The following WWOX variants were observed in gnomAD, a reference collection of about 807,000 sequenced individuals.
WWOX encodes WW domain containing oxidoreductase.
Under a neutral mutation model 46.2 loss-of-function variants are expected in WWOX, and 69 were observed. That is an observed-to-expected ratio of 1.49 (90% confidence interval 1.23 to 1.82). WWOX has a LOEUF of 1.82. WWOX is among the 40% of genes most tolerant of loss of function. The probability of loss-of-function intolerance (pLI) is 0.00; values close to 1 mark genes in which losing one functional copy is unlikely to be tolerated. For synonymous variants in WWOX, 359 were observed against 202.6 expected, an observed-to-expected ratio of 1.77 and a Z score of -6.56; for missense variants, 919 against 542.6, an observed-to-expected ratio of 1.69 and a Z score of -6.89.
At chr16:78,998,130 G>T (rs2047025632) in intron 8 of WWOX, among the ~76,000 whole-genome samples, 1 of 152,110 alleles carries the variant, frequency 6.6e-6, no homozygotes, top group South Asian at 2.1e-4. Context: ...GCCCGCCTCG[G>T]CCTCCCAAAG....
rs911867346 is a variant in WWOX, at chr16:78,644,618, C to G, written c.1056+211866C>G. Among the ~76,000 whole-genome samples, 11 of 152,188 alleles carry G rather than the reference C, an allele frequency of 7.2e-5. No homozygotes were observed. The East Asian group carries it at 2.1e-3, about 30-fold the overall frequency. On this transcript the variant is annotated intron_variant, in intron 8 of 8. Coordinates refer to ENST00000566780, the MANE Select transcript of WWOX (RefSeq NM_016373.4). ...CTGGGATTACAGGAGCCTGCCACCA[C>G]GCCTGGCTAATTTTTTGTACTTTTA...
intron 8 of WWOX, among the ~76,000 whole-genome samples, chr16:79,186,688 A>T (rs1239927318): frequency 6.6e-6 from 1 of 152,054 alleles, no homozygotes; most frequent in Non-Finnish European, 1.5e-5. Flanking sequence ...ACTAGTAATC[A>T]TCTCACTCCT....
At chr16:78,826,043 G>T (rs904966684) in intron 8 of WWOX, 32 of 464,096 alleles carry the variant, frequency 6.9e-5, no homozygotes, top group Middle Eastern at 6.0e-4. Context: ...GAGTCTGGAT[G>T]TTGCTTTGTA....
intron 8 of WWOX, among the ~76,000 whole-genome samples, chr16:78,706,058 G>GTTTTTTTTTTTTTTTTTTTTTTTTTTTTT (rs3051058): frequency 9.4e-6 from 1 of 106,428 alleles, no homozygotes; most frequent in Non-Finnish European, 1.8e-5. Context: ...GTTATGGCAG[G>GTTTTTTTTTTTTTTTTTTTTTTTTTTTTT]TTTTTTTTTT....
At chr16:78,252,836 C>T (rs760122432) in intron 5 of WWOX, among the ~76,000 whole-genome samples, 3 of 152,176 alleles carry the variant, frequency 2.0e-5, no homozygotes, top group Non-Finnish European at 4.4e-5. Flanking sequence ...ATTTCTCCCT[C>T]GGCTTCAGCA....
At chr16:78,099,958 A>G (rs988693722) in intron 1 of WWOX, 73 bp downstream of exon 1, 7 of 1,528,958 alleles carry the variant, frequency 4.6e-6, no homozygotes, top group South Asian at 2.5e-5. Flanking sequence ...CTGCGCGGGG[A>G]GGACGCGCAC....
intron 8 of WWOX, among the ~76,000 whole-genome samples, chr16:78,647,243 G>A (rs1245690020): frequency 6.6e-6 from 1 of 152,078 alleles, no homozygotes; most frequent in Non-Finnish European, 1.5e-5. Flanking sequence ...CAGGACAGAG[G>A]GCAGGGCTGT....
rs377066400 is a variant in WWOX at position 78,099,740 on chromosome 16, A to G, written c.-39A>G. On this transcript the variant is annotated 5_prime_UTR_variant, in exon 1 of 9. Transcript: ENST00000566780. ...GAGTTCCTGAGCGAGTGGACCCGGC[A>G]GCGGGCGATAGGGGGGCCAGGTGCC... 2 of 1,517,056 alleles carry G rather than the reference A, an allele frequency of 1.3e-6. No individual in the cohort carries two copies. The highest frequency in any genetic ancestry group is 2.6e-5 in the East Asian group (1 of 38,976). The allele number at this position is 1,517,056 out of a possible 1,614,324, so 94.0% of individuals were successfully genotyped here.
intron 8 of WWOX, among the ~76,000 whole-genome samples, chr16:79,012,315 C>T (rs1018495888): frequency 6.6e-6 from 1 of 152,096 alleles, no homozygotes; most frequent in African/African-American, 2.4e-5. Flanking sequence ...TCACTGCAAC[C>T]TACACTTCCT....
intron 1 of WWOX, among the ~76,000 whole-genome samples, chr16:78,107,705 C>T (rs74930786): frequency 0.016 from 2,426 of 152,174 alleles, 64 homozygotes; most frequent in African/African-American, 0.053. Context: ...CAAGGTGGCA[C>T]GGGCTTCTAG....
chr16:79,148,633 T>C (rs942307117), intron 8 of WWOX, among the ~76,000 whole-genome samples: 1 of 152,212 alleles, frequency 6.6e-6, no homozygotes, highest in Non-Finnish European at 1.5e-5. Context: ...TTTAAATCTA[T>C]AGGTCTAACA....
At chr16:78,794,578 A>C (rs1286927362) in intron 8 of WWOX, among the ~76,000 whole-genome samples, 1 of 152,220 alleles carries the variant, frequency 6.6e-6, no homozygotes, top group Non-Finnish European at 1.5e-5. Flanking sequence ...AATACCTCTT[A>C]GTGTTGCTGT....
rs71140858 is a variant in WWOX, at chr16:79,047,672, ATTTTTTTTTTTTT to A, written c.1057-163919_1057-163907del. On this transcript the variant is annotated intron_variant, in intron 8 of 8. Coordinates refer to ENST00000566780, the MANE Select transcript of WWOX (RefSeq NM_016373.4). ...GTGACTTTCTCCTGAGACTGTCCTGATTTTTTTTTTTTTTTTTTTTTTTTTTTTTGCTTGTCAG... is the reference window on the plus strand; with the variant it reads ...GTGACTTTCTCCTGAGACTGTCCTGATTTTTTTTTTTTTTTTGCTTGTCAG... 7.5e-5 allele frequency among the ~76,000 whole-genome samples: 4 copies of A among 53,524 alleles called. No homozygotes were observed. The Admixed American group carries it at 8.3e-4, about 11-fold the overall frequency. The allele number at this position is 53,524 out of a possible 152,430, so 35.1% of individuals were successfully genotyped here. A position where few individuals can be genotyped will look rare whatever the true frequency, so the allele number is the denominator to read the frequency against.
At chr16:78,381,805 A>C (rs1225832518) in intron 5 of WWOX, among the ~76,000 whole-genome samples, 1 of 152,160 alleles carries the variant, frequency 6.6e-6, no homozygotes, top group Non-Finnish European at 1.5e-5. Flanking sequence ...ATAGACATAT[A>C]GGTAGGAAGG....
rs1002865493 is a variant in WWOX, at chr16:78,617,051, C to A, written c.1056+184299C>A. ...AGCCTTGCCATGCATCTCTAACATG[C>A]ACATGGCCAGAAAAATAGCTTGGAC... On this transcript the variant is annotated intron_variant, in intron 8 of 8. Coordinates refer to ENST00000566780, the MANE Select transcript of WWOX (RefSeq NM_016373.4). Among the ~76,000 whole-genome samples the A allele has an allele frequency of 3.9e-5, 6 of 152,296 alleles. No homozygotes were observed. The Middle Eastern group carries it at 0.01, about 259-fold the overall frequency.
chr16:78,238,458 C>G (rs2037515922), intron 5 of WWOX, among the ~76,000 whole-genome samples: 1 of 152,090 alleles, frequency 6.6e-6, no homozygotes, highest in African/African-American at 2.4e-5. Flanking sequence ...TGCCACCATA[C>G]CCAGCCAATT....
chr16:78,164,131 C>A, intron 4 of WWOX, 52 bp from the exon 5 acceptor site: 2 of 1,517,300 alleles, frequency 1.3e-6, no homozygotes, highest in Non-Finnish European at 9.1e-7. Context: ...TTCAACATGA[C>A]TCACTGTGTT....
chr16:78,594,904 G>T (rs1017796661), intron 8 of WWOX, among the ~76,000 whole-genome samples: 2 of 152,158 alleles, frequency 1.3e-5, no homozygotes, highest in Non-Finnish European at 2.9e-5. Context: ...TGCAAGTAAA[G>T]AATTATAATT....
At chr16:78,177,134 C>T (rs1044832840) in intron 5 of WWOX, among the ~76,000 whole-genome samples, 1 of 152,210 alleles carries the variant, frequency 6.6e-6, no homozygotes, top group Non-Finnish European at 1.5e-5. Flanking sequence ...CAACAGTTCT[C>T]ATGCAGCTTG....
Sources: gnomAD v4.1 joint callset for allele counts (sites outside exome capture counted in the v4.1 genomes callset) on GRCh38, gnomAD v4.1.1 for gene constraint, MANE v1.5 for transcripts, NCBI Gene and HGNC (gene_info 2026-07-23, HGNC 2026-07-21) for gene names.